The following NRXN3 variants were observed in gnomAD, a reference collection of about 807,000 sequenced individuals.
NRXN3 encodes neurexin III.
NRXN3 carries 32 observed loss-of-function variants against 137.6 expected under a neutral mutation model. That is an observed-to-expected ratio of 0.23 (90% CI 0.18 to 0.31). NRXN3 has a LOEUF of 0.31. Among genes scored for constraint, NRXN3 ranks in the 10% least tolerant of loss-of-function variants. NRXN3 has a pLI of 1.00. For missense variants in NRXN3, 1,574 were observed against 2,062.5 expected, an observed-to-expected ratio of 0.76 and a Z score of 4.59; for synonymous variants, 798 against 784.5, an observed-to-expected ratio of 1.02 and a Z score of -0.29.
At chr14:78,944,343 G>T (rs1217405279) in intron 10 of NRXN3, among the ~76,000 whole-genome samples, 1 of 152,176 alleles carries the variant, frequency 6.6e-6, no homozygotes, top group East Asian at 1.9e-4. Context: ...AGGGACTCAG[G>T]ATTCGCTTTA....
intron 10 of NRXN3, among the ~76,000 whole-genome samples, chr14:78,847,118 A>T (rs1192301460): frequency 1.5e-4 from 23 of 151,978 alleles, no homozygotes; most frequent in Non-Finnish European, 1.5e-5. Context: ...TCTTACCTCT[A>T]CCTGAAAGGT....
intron 4 of NRXN3, among the ~76,000 whole-genome samples, chr14:78,486,918 G>A (rs2095569083): frequency 6.6e-6 from 1 of 152,150 alleles, no homozygotes; most frequent in South Asian, 2.1e-4. Context: ...AAGGACTTCT[G>A]TGTGCAGACC....
intron 15 of NRXN3, among the ~76,000 whole-genome samples, chr14:79,123,483 T>G (rs1001239184): frequency 7.9e-5 from 12 of 152,168 alleles, no homozygotes; most frequent in African/African-American, 2.9e-4. Context: ...GGACCTAAAA[T>G]GCATCATTGT....
At chr14:78,635,350 C>A (rs2097558411) in intron 4 of NRXN3, among the ~76,000 whole-genome samples, 1 of 151,858 alleles carries the variant, frequency 6.6e-6, no homozygotes, top group Admixed American at 6.6e-5. Context: ...ATGAGTTTTC[C>A]CAAATTCTGT....
At chr14:79,621,931 T>C (rs1175871561) in intron 16 of NRXN3, among the ~76,000 whole-genome samples, 1 of 152,162 alleles carries the variant, frequency 6.6e-6, no homozygotes, top group East Asian at 1.9e-4. Context: ...ATCCCTTGGA[T>C]ATTTGTTTCA....
rs879787303 is a variant in NRXN3 at position 79,470,899 on chromosome 14, A to T, written c.3444+3497A>T. Among the ~76,000 whole-genome samples, 934 of 141,482 alleles carry T rather than the reference A, an allele frequency of 6.6e-3. 14 individuals are homozygous for T. The highest frequency in any genetic ancestry group is 0.027 in the African/African-American group (895 of 33,498). 92.8% of individuals were successfully genotyped at this position (141,482 alleles called of 152,430 possible). ...GAGAGAGAGAGAGAAAGAGAGAGAGAGAGTGTGTGTGTGTGTGTGTGAGAG... is the reference window on the plus strand; with the variant it reads ...GAGAGAGAGAGAGAAAGAGAGAGAGTGAGTGTGTGTGTGTGTGTGTGAGAG... On this transcript the variant is annotated intron_variant, in intron 16 of 20. Coordinates refer to ENST00000335750, the MANE Select transcript of NRXN3 (RefSeq NM_001330195.2).
intron 5 of NRXN3, among the ~76,000 whole-genome samples, chr14:78,648,674 G>A (rs1313004697): frequency 6.6e-6 from 1 of 152,198 alleles, no homozygotes; most frequent in Non-Finnish European, 1.5e-5. Flanking sequence ...TCTATGCTAG[G>A]TTTGATCTGT....
chr14:78,346,410 C>T (rs916301708), intron 4 of NRXN3, among the ~76,000 whole-genome samples: 1 of 152,166 alleles, frequency 6.6e-6, no homozygotes, highest in Non-Finnish European at 1.5e-5. Flanking sequence ...GCTATTTCCA[C>T]TGGGGAAAAA....
At chr14:79,296,518 T>C (rs1353002761) in intron 15 of NRXN3, among the ~76,000 whole-genome samples, 2 of 151,344 alleles carry the variant, frequency 1.3e-5, no homozygotes, top group African/African-American at 4.9e-5. Flanking sequence ...TAGAGCTCAG[T>C]TGTGAGAAGG....
chr14:79,662,895 G>T (rs1015644108), intron 16 of NRXN3, among the ~76,000 whole-genome samples: 1 of 151,974 alleles, frequency 6.6e-6, no homozygotes, highest in Non-Finnish European at 1.5e-5. Context: ...CTCCCACCAG[G>T]CCCCATCTCC....
chr14:78,685,133 T>C (rs1406301597), intron 6 of NRXN3, among the ~76,000 whole-genome samples: 3 of 152,158 alleles, frequency 2.0e-5, no homozygotes, highest in African/African-American at 7.2e-5. Flanking sequence ...GCCATTAAAG[T>C]GATCTGGGCA....
At chr14:78,752,197 A>G (rs1356025774) in intron 8 of NRXN3, among the ~76,000 whole-genome samples, 1 of 152,208 alleles carries the variant, frequency 6.6e-6, no homozygotes, top group African/African-American at 2.4e-5. Flanking sequence ...GCTTGAGGCC[A>G]GGAGTTTGAA....
rs143075813 is a variant in NRXN3, at chr14:78,269,402, G to A, written c.710-9243G>A. 1.5e-3 allele frequency among the ~76,000 whole-genome samples: 235 copies of A among 152,322 alleles called. 1 individual carries two copies. The highest frequency in any genetic ancestry group is 3.4e-3 in the Middle Eastern group (1 of 294). On this transcript the variant is annotated intron_variant, in intron 2 of 20. Coordinates refer to ENST00000335750, the MANE Select transcript of NRXN3 (RefSeq NM_001330195.2). ...GGTACCTAGAATGGTCAAGTTCATA[G>A]ACATTGAAAGTACATTGGTAGTTTT...
intron 4 of NRXN3, among the ~76,000 whole-genome samples, chr14:78,372,617 G>A (rs148695699): frequency 2.0e-5 from 3 of 152,290 alleles, no homozygotes; most frequent in African/African-American, 4.8e-5. Context: ...ATAAGCCACT[G>A]CACCTGGCTG....
chr14:79,116,670 C>G (rs2054503041), intron 15 of NRXN3, among the ~76,000 whole-genome samples: 1 of 152,172 alleles, frequency 6.6e-6, no homozygotes, highest in East Asian at 1.9e-4. Flanking sequence ...TGATGTTTCT[C>G]TGGTGTGTGA....
intron 6 of NRXN3, among the ~76,000 whole-genome samples, chr14:78,663,896 A>G (rs2097860205): frequency 6.6e-6 from 1 of 152,246 alleles, no homozygotes; most frequent in African/African-American, 2.4e-5. Flanking sequence ...GGGATAAAGC[A>G]ATCATTGAGC....
At chr14:78,403,041 A>G (rs1385716114) in intron 4 of NRXN3, among the ~76,000 whole-genome samples, 2 of 152,172 alleles carry the variant, frequency 1.3e-5, no homozygotes, top group Non-Finnish European at 2.9e-5. Flanking sequence ...GGTGGGAGCA[A>G]AGAAATGACA....
At chr14:79,823,987 T>A in intron 20 of NRXN3, 1 of 421,252 alleles carries the variant, frequency 2.4e-6, no homozygotes, top group Admixed American at 2.4e-5. Context: ...CCAGAAAGTT[T>A]AAAATTTCTG....
chr14:78,298,840 C>T (rs1449684653), intron 4 of NRXN3, among the ~76,000 whole-genome samples: 1 of 152,188 alleles, frequency 6.6e-6, no homozygotes, highest in Admixed American at 6.5e-5. Flanking sequence ...AAGGATAATT[C>T]CATATATTCC....
Sources: gnomAD v4.1 joint callset for allele counts (sites outside exome capture counted in the v4.1 genomes callset) on GRCh38, gnomAD v4.1.1 for gene constraint, MANE v1.5 for transcripts, NCBI Gene and HGNC (gene_info 2026-07-23, HGNC 2026-07-21) for gene names.